The following LAIR2 variants were observed in gnomAD, a reference collection of about 807,000 sequenced individuals.
LAIR2 encodes the protein leukocyte associated immunoglobulin like receptor 2, also known as leukocyte-associated immunoglobulin-like receptor 2.
Under a neutral mutation model 14.8 loss-of-function variants are expected in LAIR2, and 14 were observed. The ratio of observed to expected loss-of-function variants is 0.95; its 90% CI spans 0.62 to 1.48. The LOEUF (loss-of-function observed/expected upper bound fraction) is 1.48. LAIR2 is among the 40% of genes most tolerant of loss of function. The pLI is 0.00. For synonymous variants in LAIR2, 75 were observed against 74.5 expected (o/e 1.01, Z -0.03); for missense variants, 172 against 180.9 (o/e 0.95, Z 0.28).
intron 3 of LAIR2, among the ~76,000 whole-genome samples, chr19:54,508,623 C>A (rs1272538890): frequency 6.6e-6 from 1 of 152,258 alleles, no homozygotes; most frequent in East Asian, 1.9e-4. Context: ...TCCCACTGGG[C>A]AGAACACAGG....
chr19:54,507,172 C>T (rs1270932180), intron 2 of LAIR2, among the ~76,000 whole-genome samples: 5 of 151,172 alleles, frequency 3.3e-5, no homozygotes, highest in South Asian at 2.1e-4. Context: ...GCGTCAAACC[C>T]GCCCTTCCTC....
chr19:54,510,049 T>G (rs1244001038), intron 4 of LAIR2, among the ~76,000 whole-genome samples: 1,676 of 143,070 alleles, frequency 0.012, no homozygotes, highest in African/African-American at 0.043. Flanking sequence ...GATGCCGTGC[T>G]CCATCCGGAC....
Position 54,508,119 on chromosome 19 carries a change from G to C in LAIR2, c.299G>C (p.Arg100Pro). Residue 100 changes from arginine (R) to proline (P), a missense_variant, in exon 3 of 5, where the codon CGC becomes CCC. Transcript: ENST00000301202. Reference protein sequence around the residue: ...SVSEGNAGLYRCLYYKPPGWS... With the variant: ...SVSEGNAGLYPCLYYKPPGWS... The stretch of plus-strand genomic sequence containing the variant: ...AGTGAAGGAAATGCCGGGCTTTATC[G>C]CTGCCTCTATTATAAGCCCCCTGGA... The C allele has an allele frequency of 1.2e-6, 2 of 1,614,114 alleles. No homozygotes were observed. The highest frequency in any genetic ancestry group is 2.7e-5 in the African/African-American group (2 of 75,028).
chr19:54,504,310 C>A (rs2085325971), intron 2 of LAIR2, among the ~76,000 whole-genome samples: 1 of 151,990 alleles, frequency 6.6e-6, no homozygotes, highest in African/African-American at 2.4e-5. Context: ...GTTTGTGGGG[C>A]ACGATGTGAT....
Position 54,510,677 on chromosome 19 carries a change from A to G in LAIR2, c.*108A>G. ...TACATACATATACAAATAAAAAGAT[A>G]CGATTCGCAATGGAGAATTTCAGAC... On this transcript the variant is annotated 3_prime_UTR_variant, in exon 5 of 5. Coordinates refer to ENST00000301202, the MANE Select transcript of LAIR2 (RefSeq NM_002288.6). The G allele has an allele frequency of 7.6e-7, 1 of 1,308,398 alleles. No homozygotes were observed. Among genetic ancestry groups the G allele is most frequent in the Middle Eastern group, 1.8e-4 (1 of 5,496 alleles). 81.0% of individuals were successfully genotyped at this position (1,308,398 alleles called of 1,614,324 possible).
At chr19:54,503,329 G>A (rs1189915486) in intron 1 of LAIR2, among the ~76,000 whole-genome samples, 5 of 152,048 alleles carry the variant, frequency 3.3e-5, no homozygotes, top group South Asian at 2.1e-4. Flanking sequence ...ATGGTGGCGG[G>A]CACCTGTAAT....
At chr19:54,504,767 G>T (rs538776094) in intron 2 of LAIR2, among the ~76,000 whole-genome samples, 1 of 152,020 alleles carries the variant, frequency 6.6e-6, no homozygotes, top group Non-Finnish European at 1.5e-5. Context: ...ATGCCACCAC[G>T]CCCAGCTAAT....
chr19:54,507,930 C>G lies in LAIR2; in HGVS notation c.110C>G (p.Thr37Ser), dbSNP rs2085393256. The change falls in exon 3 of 5, where the codon ACT becomes AGT. Residue 37 changes from threonine to serine, a missense_variant. Thr to Ser is a moderately conservative substitution (Grantham distance 58, BLOSUM62 1). Transcript: ENST00000301202. Reference sequence around the variant, plus strand: ...CCCTCCATCTCGGCTGAGCCAGGCACTGTGATCTCCCCGGGGAGCCATGTG... The same window carrying G: ...CCCTCCATCTCGGCTGAGCCAGGCAGTGTGATCTCCCCGGGGAGCCATGTG... ...PRPSISAEPG[T>S]VISPGSHVTF... 6.2e-7 allele frequency: 1 copy of G among 1,614,188 alleles called. No homozygotes were observed. The highest frequency in any genetic ancestry group is 1.3e-5 in the African/African-American group (1 of 75,042).
At chr19:54,503,393 G>A (rs1013001041) in intron 1 of LAIR2, among the ~76,000 whole-genome samples, 6 of 151,688 alleles carry the variant, frequency 4.0e-5, no homozygotes, top group African/African-American at 1.2e-4. Flanking sequence ...GGGAGGTGGA[G>A]GTTGCAGTGA....
intron 1 of LAIR2, 55 bp downstream of exon 1, chr19:54,503,007 G>T (rs537490283): frequency 5.8e-6 from 9 of 1,539,460 alleles, no homozygotes; most frequent in East Asian, 2.3e-5. Flanking sequence ...GGTCTGGAAA[G>T]TTCCCTGCTC....
At chr19:54,505,215 C>T (rs1276773326) in intron 2 of LAIR2, among the ~76,000 whole-genome samples, 1 of 152,160 alleles carries the variant, frequency 6.6e-6, no homozygotes, top group African/African-American at 2.4e-5. Flanking sequence ...AAACCCAACA[C>T]AACCAAGGCT....
At chr19:54,507,750 A>G in intron 2 of LAIR2, 141 bp from the exon 3 acceptor site, 1 of 759,670 alleles carries the variant, frequency 1.3e-6, no homozygotes, top group Non-Finnish European at 2.2e-6. Context: ...AGGCGTGGGA[A>G]TGTTCTAAGG....
chr19:54,510,626 G>A lies in LAIR2; in HGVS notation c.*57G>A. On this transcript the variant is annotated 3_prime_UTR_variant, in exon 5 of 5. Transcript: ENST00000301202. ...TTCAATGGGGAGAAATAATTAGAAT[G>A]AGCAATAGAAATGCACAGATGCCTA... 2 of 1,599,928 alleles carry A rather than the reference G, an allele frequency of 1.3e-6. No homozygotes were observed. Among genetic ancestry groups the A allele is most frequent in the African/African-American group, 2.7e-5 (2 of 74,746 alleles).
In LAIR2 at chr19:54,502,874, C is replaced by T. The variant is rs2085298712; in HGVS notation, c.-45C>T. 1 of 1,613,468 alleles carries T rather than the reference C, an allele frequency of 6.2e-7. No homozygotes were observed. The highest frequency in any genetic ancestry group is 2.2e-5 in the East Asian group (1 of 44,876). On this transcript the variant is annotated 5_prime_UTR_variant, in exon 1 of 5. Coordinates refer to ENST00000301202, the MANE Select transcript of LAIR2 (RefSeq NM_002288.6). ...ACGGGCAGGAGGCCCCCGGCCAGCA[C>T]ATCCTGTCTGCTTGTGTCTGCTGCA... is the stretch of plus-strand genomic sequence containing the variant.
At chr19:54,503,065 C>T (rs2085303924) in intron 1 of LAIR2, 113 bp downstream of exon 1, 2 of 984,928 alleles carry the variant, frequency 2.0e-6, no homozygotes, top group South Asian at 1.5e-5. Flanking sequence ...GTGTCCTCCT[C>T]CCCCCAAGAC....
At chr19:54,508,337 A>C (rs2085407662) in intron 3 of LAIR2, among the ~76,000 whole-genome samples, 153 bp downstream of exon 3, 1 of 150,986 alleles carries the variant, frequency 6.6e-6, no homozygotes. Context: ...CTTCCTCTGC[A>C]CACACCTCCC....
Position 54,507,963 on chromosome 19 carries a change from T to C in LAIR2, c.143T>C (p.Met48Thr). 2 of 1,614,112 alleles carry C rather than the reference T, an allele frequency of 1.2e-6. No homozygotes were observed. The highest frequency in any genetic ancestry group is 2.2e-5 in the South Asian group (2 of 91,076). ...TCCCCGGGGAGCCATGTGACTTTCATGTGCCGGGGCCCGGTTGGGGTTCAA... is the reference window on the plus strand; with the variant it reads ...TCCCCGGGGAGCCATGTGACTTTCACGTGCCGGGGCCCGGTTGGGGTTCAA... ...VISPGSHVTFMCRGPVGVQTF... is the reference protein window; with the variant it reads ...VISPGSHVTFTCRGPVGVQTF... The change falls in exon 3 of 5, where the codon ATG becomes ACG. Residue 48 changes from methionine to threonine, a missense_variant. Transcript: ENST00000301202.
At chr19:54,509,762 A>C (rs112275280) in intron 4 of LAIR2, among the ~76,000 whole-genome samples, 16 of 151,680 alleles carry the variant, frequency 1.1e-4, no homozygotes, top group Non-Finnish European at 1.5e-4. Flanking sequence ...ATGGGAGAGA[A>C]GCTGCCTCTG....
Position 54,506,320 on chromosome 19 carries a change from C to G in LAIR2, c.71-1571C>G, listed in dbSNP as rs572365968. Among the ~76,000 whole-genome samples the G allele has an allele frequency of 1.8e-4, 28 of 152,200 alleles. No individual in the cohort carries two copies. In the Middle Eastern group the frequency reaches 0.01, roughly 55 times the overall value. On this transcript the variant is annotated intron_variant, in intron 2 of 4. Transcript: ENST00000301202. ...TTAGAATCACCTGGATTAGCAATGT[C>G]CAATAATGTAATACATTGTTATTAA...
Sources: gnomAD v4.1 joint callset for allele counts (sites outside exome capture counted in the v4.1 genomes callset) on GRCh38, gnomAD v4.1.1 for gene constraint, MANE v1.5 for transcripts, NCBI Gene and HGNC (gene_info 2026-07-23, HGNC 2026-07-21) for gene names.